ZMAT4: variants seen among roughly 807,000 people sequenced by gnomAD.
The protein encoded by ZMAT4 is zinc finger matrin-type protein 4.
Under a neutral mutation model 28.7 loss-of-function variants are expected in ZMAT4, and 17 were observed. That is an observed-to-expected ratio of 0.59 (90% confidence interval 0.41 to 0.89). The LOEUF (loss-of-function observed/expected upper bound fraction) is 0.89. Ranked by LOEUF, ZMAT4 falls within the 40% of genes least tolerant of loss-of-function variation. The pLI is 0.00. For missense variants in ZMAT4, 240 were observed against 283.8 expected (o/e 0.85, Z 1.11); for synonymous variants, 117 against 109.2 (o/e 1.07, Z -0.44).
At chr8:40,723,960 C>T (rs745356729) in intron 3 of ZMAT4, among the ~76,000 whole-genome samples, 1 of 152,148 alleles carries the variant, frequency 6.6e-6, no homozygotes, top group Non-Finnish European at 1.5e-5. Flanking sequence ...TGCAAAATTG[C>T]TTCCCCAAGT....
intron 1 of ZMAT4, among the ~76,000 whole-genome samples, chr8:40,853,570 A>G (rs1212620169): frequency 6.6e-6 from 1 of 152,178 alleles, no homozygotes; most frequent in Admixed American, 6.5e-5. Context: ...AAATAAATAA[A>G]TAAAATAAAT....
At chr8:40,645,631 A>T (rs1419493208) in intron 5 of ZMAT4, among the ~76,000 whole-genome samples, 2 of 152,190 alleles carry the variant, frequency 1.3e-5, no homozygotes, top group Non-Finnish European at 2.9e-5. Flanking sequence ...AAAGTATTCA[A>T]GGAAATGCCT....
chr8:40,749,649 A>T (rs1005475340), intron 3 of ZMAT4, among the ~76,000 whole-genome samples: 1 of 152,234 alleles, frequency 6.6e-6, no homozygotes, highest in Non-Finnish European at 1.5e-5. Context: ...AGCTACTCTC[A>T]CAAAAAATGT....
At chr8:40,822,062 T>C (rs1318947329) in intron 2 of ZMAT4, among the ~76,000 whole-genome samples, 1 of 152,240 alleles carries the variant, frequency 6.6e-6, no homozygotes, top group Non-Finnish European at 1.5e-5. Flanking sequence ...CACGATGTAA[T>C]GTACAACAGG....
At chr8:40,748,885 C>G (rs557061095) in intron 3 of ZMAT4, among the ~76,000 whole-genome samples, 2 of 152,116 alleles carry the variant, frequency 1.3e-5, no homozygotes, top group African/African-American at 4.8e-5. Flanking sequence ...TAAATCTCAA[C>G]TTGAACTGTG....
At chr8:40,613,541 T>C (rs1450974977) in intron 5 of ZMAT4, among the ~76,000 whole-genome samples, 1 of 152,134 alleles carries the variant, frequency 6.6e-6, no homozygotes, top group Non-Finnish European at 1.5e-5. Context: ...CATTTGTATA[T>C]TTACTACTTT....
intron 1 of ZMAT4, among the ~76,000 whole-genome samples, chr8:40,847,202 TA>T (rs199603252): frequency 1.4e-4 from 12 of 86,432 alleles, no homozygotes; most frequent in Non-Finnish European, 2.5e-4. Flanking sequence ...AGATTCCATC[TA>T]AAAAAACAAA....
intron 5 of ZMAT4, among the ~76,000 whole-genome samples, chr8:40,659,336 G>C (rs1249745841): frequency 6.6e-6 from 1 of 152,152 alleles, no homozygotes; most frequent in Non-Finnish European, 1.5e-5. Context: ...TTAGGCATGA[G>C]GGAGTGCGTT....
chr8:40,671,188 A>T (rs551098716), intron 5 of ZMAT4, among the ~76,000 whole-genome samples: 1 of 152,286 alleles, frequency 6.6e-6, no homozygotes, highest in Non-Finnish European at 1.5e-5. Context: ...ACATGAGCAG[A>T]TGTTGGTGAG....
At chr8:40,848,488 T>C (rs950937721) in intron 1 of ZMAT4, among the ~76,000 whole-genome samples, 1 of 152,194 alleles carries the variant, frequency 6.6e-6, no homozygotes, top group African/African-American at 2.4e-5. Context: ...GGCCTGGGCA[T>C]GAGTCAGGCA....
chr8:40,820,907 G>GTTTA (rs1815791308), intron 2 of ZMAT4, among the ~76,000 whole-genome samples: 1 of 107,510 alleles, frequency 9.3e-6, no homozygotes, highest in Non-Finnish European at 2.0e-5. Context: ...GTGTGTTTGT[G>GTTTA]TGTATGTGTG....
At chr8:40,889,220 C>G (rs888382904) in intron 1 of ZMAT4, among the ~76,000 whole-genome samples, 1 of 152,346 alleles carries the variant, frequency 6.6e-6, no homozygotes, top group Non-Finnish European at 1.5e-5. Context: ...ATATTCCCTG[C>G]ACAGGGATCT....
At chr8:40,639,894 A>C (rs2118757787) in intron 5 of ZMAT4, among the ~76,000 whole-genome samples, 1 of 152,302 alleles carries the variant, frequency 6.6e-6, no homozygotes, top group South Asian at 2.1e-4. Context: ...AAAAGGGTAA[A>C]AAAACTAACC....
chr8:40,646,701 T>A (rs141641163), intron 5 of ZMAT4, among the ~76,000 whole-genome samples: 1 of 152,268 alleles, frequency 6.6e-6, no homozygotes, highest in East Asian at 1.9e-4. Context: ...CAAAAGTACA[T>A]AAAGCAAAAG....
chr8:40,582,741 A>G (rs902310790), intron 5 of ZMAT4, among the ~76,000 whole-genome samples: 3 of 152,164 alleles, frequency 2.0e-5, no homozygotes, highest in African/African-American at 4.8e-5. Flanking sequence ...CTGTTTTCTT[A>G]CAGTATTGTG....
chr8:40,616,125 C>G (rs111518851), intron 5 of ZMAT4, among the ~76,000 whole-genome samples: 3 of 152,166 alleles, frequency 2.0e-5, no homozygotes, highest in African/African-American at 7.2e-5. Flanking sequence ...AGTCAACAGA[C>G]GCATGAAAAA....
At chr8:40,618,325 T>C (rs1246516956) in intron 5 of ZMAT4, among the ~76,000 whole-genome samples, 2 of 152,154 alleles carry the variant, frequency 1.3e-5, no homozygotes, top group Non-Finnish European at 2.9e-5. Flanking sequence ...CCCACTGGTA[T>C]TTATCTTCCA....
At chr8:40,807,138 C>CAAAAAAA (rs34726845) in intron 2 of ZMAT4, among the ~76,000 whole-genome samples, 4 of 90,250 alleles carry the variant, frequency 4.4e-5, no homozygotes, top group Admixed American at 1.2e-4. Flanking sequence ...GGGGTGAGGA[C>CAAAAAAA]AAAAAAAAAA....
chr8:40,703,479 A>G (rs541529795), intron 3 of ZMAT4, among the ~76,000 whole-genome samples: 1 of 152,370 alleles, frequency 6.6e-6, no homozygotes, highest in African/African-American at 2.4e-5. Context: ...CCATCACAAA[A>G]GACCACATAA....
Sources: gnomAD v4.1 joint callset for allele counts (sites outside exome capture counted in the v4.1 genomes callset) on GRCh38, gnomAD v4.1.1 for gene constraint, MANE v1.5 for transcripts, NCBI Gene and HGNC (gene_info 2026-07-23, HGNC 2026-07-21) for gene names.